The following SLC39A11 variants were observed in gnomAD, a reference collection of about 807,000 sequenced individuals.
SLC39A11 encodes solute carrier family 39 member 11.
SLC39A11 carries 33 observed loss-of-function variants against 36.1 expected under a neutral mutation model. The observed-to-expected ratio is 0.91, with a 90% CI of 0.69 to 1.22. SLC39A11 has a LOEUF of 1.22. SLC39A11 is among the 50% of genes most tolerant of loss of function. The pLI is 0.00. For synonymous variants in SLC39A11, 166 were observed against 170.3 expected, an observed-to-expected ratio of 0.97 and a Z score of 0.20; for missense variants, 432 against 430.3, an observed-to-expected ratio of 1.00 and a Z score of -0.03.
At chr17:72,845,754 A>C (rs2079017626) in intron 6 of SLC39A11, among the ~76,000 whole-genome samples, 1 of 152,228 alleles carries the variant, frequency 6.6e-6, no homozygotes, top group Non-Finnish European at 1.5e-5. Flanking sequence ...ATAAAAGACA[A>C]GACTGGGAAA....
At chr17:72,855,874 G>A (rs1365453292) in intron 5 of SLC39A11, among the ~76,000 whole-genome samples, 1 of 151,648 alleles carries the variant, frequency 6.6e-6, no homozygotes, top group Non-Finnish European at 1.5e-5. Context: ...TCCAGCCTGG[G>A]CGACAAAGCG....
chr17:72,676,121 C>G (rs970192323), intron 7 of SLC39A11, among the ~76,000 whole-genome samples: 13 of 151,308 alleles, frequency 8.6e-5, no homozygotes, highest in African/African-American at 2.9e-4. Flanking sequence ...ATTAAAGCAA[C>G]TCTCTTTTTT....
Position 72,759,111 on chromosome 17 carries a change from C to CAATAATAATAATAATAATAAT in SLC39A11, c.602-22393_602-22392insATTATTATTATTATTATTATT, listed in dbSNP as rs201799463. 4.8e-3 allele frequency among the ~76,000 whole-genome samples: 699 copies of CAATAATAATAATAATAATAAT among 144,608 alleles called. 26 individuals are homozygous for CAATAATAATAATAATAATAAT. In the East Asian group the frequency reaches 0.094, roughly 19 times the overall value. 94.9% of individuals were successfully genotyped at this position (144,608 alleles called of 152,430 possible). On this transcript the variant is annotated intron_variant, in intron 6 of 9. Transcript: ENST00000255559. Reference sequence around the variant, plus strand: ...GTGAGATTTCATCTAAAAATAATAACAATAATAATAATAATAATAAATAAT... The same window carrying CAATAATAATAATAATAATAAT: ...GTGAGATTTCATCTAAAAATAATAACAATAATAATAATAATAATAATAATAATAATAATAATAATAAATAAT...
At chr17:72,942,484 T>G (rs576978003) in intron 5 of SLC39A11, among the ~76,000 whole-genome samples, 1 of 152,100 alleles carries the variant, frequency 6.6e-6, no homozygotes, top group South Asian at 2.1e-4. Context: ...CCCAAACACA[T>G]TATTTCGGAA....
At chr17:73,029,123 C>A (rs34576920) in intron 4 of SLC39A11, among the ~76,000 whole-genome samples, 120,695 of 148,640 alleles carry the variant, frequency 0.81, 52,339 homozygotes, top group Middle Eastern at 0.97. Flanking sequence ...GTCACACACA[C>A]ACAAAAAAAA....
In SLC39A11 at chr17:72,951,051, C is replaced by T. The variant is rs572236349; in HGVS notation, c.307-3176G>A. Among the ~76,000 whole-genome samples the T allele has an allele frequency of 6.6e-5, 10 of 151,306 alleles. No individual in the cohort carries two copies. In the East Asian group the frequency reaches 1.8e-3, roughly 27 times the overall value. On this transcript the variant is annotated intron_variant, in intron 4 of 9. Coordinates refer to ENST00000255559, the MANE Select transcript of SLC39A11 (RefSeq NM_139177.4). ...CCAAGGTGGGAGGATCACTTGAGCC[C>T]AGGAGTTCGAGACCAGCCTAGGCAA... is the stretch of plus-strand genomic sequence containing the variant.
intron 5 of SLC39A11, among the ~76,000 whole-genome samples, chr17:72,912,537 T>G (rs1224407402): frequency 6.7e-6 from 1 of 148,654 alleles, no homozygotes; most frequent in African/African-American, 2.5e-5. Flanking sequence ...TGGGCTCAAG[T>G]GATTTTCCCA....
At chr17:72,788,032 C>T (rs536275821) in intron 6 of SLC39A11, among the ~76,000 whole-genome samples, 2 of 152,216 alleles carry the variant, frequency 1.3e-5, no homozygotes, top group Non-Finnish European at 2.9e-5. Flanking sequence ...GCAGGGTCAA[C>T]ATGTTTTATT....
intron 7 of SLC39A11, among the ~76,000 whole-genome samples, chr17:72,661,464 C>A (rs2070415424): frequency 6.6e-6 from 1 of 152,248 alleles, no homozygotes; most frequent in Non-Finnish European, 1.5e-5. Context: ...ATATCCCTGA[C>A]AAGCCCTGCT....
Position 72,868,618 on chromosome 17 carries a change from C to CAAAAAA in SLC39A11, c.431-18820_431-18815dup, listed in dbSNP as rs71354894. Among the ~76,000 whole-genome samples the CAAAAAA allele has an allele frequency of 2.3e-3, 130 of 56,456 alleles. 1 individual carries two copies. Among genetic ancestry groups the CAAAAAA allele is most frequent in the African/African-American group, 2.5e-3 (37 of 14,828 alleles). The allele number at this position is 56,456 out of a possible 152,430, so 37.0% of individuals were successfully genotyped here. A position where few individuals can be genotyped will look rare whatever the true frequency, so the allele number is the denominator to read the frequency against. The stretch of plus-strand genomic sequence containing the variant: ...GCAATATAGTGAGCCCCTGTCTCTA[C>CAAAAAA]AAAAAAAAAAAAAAAAAAAAAAAAA... On this transcript the variant is annotated intron_variant, in intron 5 of 9. Coordinates refer to ENST00000255559, the MANE Select transcript of SLC39A11 (RefSeq NM_139177.4).
At chr17:73,069,806 T>A (rs1443717054) in intron 3 of SLC39A11, among the ~76,000 whole-genome samples, 1 of 152,160 alleles carries the variant, frequency 6.6e-6, no homozygotes, top group Admixed American at 6.5e-5. Context: ...CTAAGATGCA[T>A]AAGAAAAATG....
intron 2 of SLC39A11, among the ~76,000 whole-genome samples, chr17:73,085,275 G>A (rs112597922): frequency 0.014 from 2,109 of 152,176 alleles, 54 homozygotes; most frequent in African/African-American, 0.048. Flanking sequence ...GGGAGGCTGA[G>A]GCGGGCAGAT....
At chr17:72,725,702 T>G (rs954083315) in intron 7 of SLC39A11, 1 of 152,184 alleles carries the variant, frequency 6.6e-6, no homozygotes, top group African/African-American at 2.4e-5. Flanking sequence ...CACTTTCAAA[T>G]TCCACTGTCT....
chr17:72,726,915 G>A (rs531880692), intron 7 of SLC39A11, among the ~76,000 whole-genome samples: 6 of 152,294 alleles, frequency 3.9e-5, no homozygotes, highest in African/African-American at 1.4e-4. Context: ...CCAAGTGTCT[G>A]GGTGTTGATT....
intron 6 of SLC39A11, among the ~76,000 whole-genome samples, chr17:72,826,608 AT>A (rs2078039326): frequency 6.6e-6 from 1 of 152,202 alleles, no homozygotes; most frequent in South Asian, 2.1e-4. Context: ...TATATAATAT[AT>A]CATAATTATG....
intron 6 of SLC39A11, among the ~76,000 whole-genome samples, chr17:72,822,238 C>G (rs922327833): frequency 6.8e-6 from 1 of 148,074 alleles, no homozygotes; most frequent in African/African-American, 2.5e-5. Context: ...ACATACTATA[C>G]ACACATACTA....
chr17:72,968,224 T>C (rs2087164883), intron 4 of SLC39A11, among the ~76,000 whole-genome samples: 1 of 152,152 alleles, frequency 6.6e-6, no homozygotes, highest in Non-Finnish European at 1.5e-5. Flanking sequence ...ACATCAGTTC[T>C]AGAATTTAAA....
At chr17:72,663,977 C>T (rs768988008) in intron 7 of SLC39A11, 2 of 154,470 alleles carry the variant, frequency 1.3e-5, no homozygotes, top group African/African-American at 2.4e-5. Flanking sequence ...TGACCGAAGA[C>T]CGGTCCTCCT....
chr17:72,914,053 G>C (rs924591194), intron 5 of SLC39A11, among the ~76,000 whole-genome samples: 2 of 147,542 alleles, frequency 1.4e-5, no homozygotes, highest in Non-Finnish European at 3.0e-5. Flanking sequence ...GGTGACTCAC[G>C]CCTGTAATCC....
Sources: allele counts gnomAD v4.1 joint callset (sites outside exome capture counted in the v4.1 genomes callset), GRCh38; gene constraint gnomAD v4.1.1; transcripts MANE v1.5; gene names NCBI Gene and HGNC (gene_info 2026-07-23, HGNC 2026-07-21).